The following LPP variants were observed in gnomAD, a reference collection of about 807,000 sequenced individuals.
LPP encodes the protein LIM domain containing preferred translocation partner in lipoma.
LPP carries 38 observed loss-of-function variants against 60.4 expected under a neutral mutation model. That is an observed-to-expected ratio of 0.63 (90% CI 0.49 to 0.83). The LOEUF is 0.83. LPP is among the 40% of genes least tolerant of loss of function. The probability of loss-of-function intolerance (pLI) is 0.00; values close to 1 mark genes in which losing one functional copy is unlikely to be tolerated. For synonymous variants in LPP, 328 were observed against 290.8 expected (o/e 1.13, Z -1.30); for missense variants, 902 against 783.6 (o/e 1.15, Z -1.80).
intron 8 of LPP, chr3:188,746,344 CA>C (rs1726193819): frequency 2.4e-6 from 1 of 419,802 alleles, no homozygotes; most frequent in African/African-American, 2.0e-5. Flanking sequence ...CATGTTGTAA[CA>C]GGGGGCAGAA....
intron 9 of LPP, among the ~76,000 whole-genome samples, chr3:188,761,495 C>G (rs897150698): frequency 6.6e-6 from 1 of 152,066 alleles, no homozygotes; most frequent in South Asian, 2.1e-4. Flanking sequence ...ACATGTAGAG[C>G]CATACAGTGG....
intron 3 of LPP, among the ~76,000 whole-genome samples, chr3:188,365,092 A>T (rs1770710995): frequency 6.7e-6 from 1 of 150,028 alleles, no homozygotes; most frequent in East Asian, 2.0e-4. Flanking sequence ...CCTCTCTCAG[A>T]TGAGTTTTAA....
intron 7 of LPP, among the ~76,000 whole-genome samples, chr3:188,651,025 A>T (rs1473096596): frequency 6.6e-6 from 1 of 152,208 alleles, no homozygotes; most frequent in East Asian, 1.9e-4. Flanking sequence ...ATAAATAGGG[A>T]CCCTAATCAT....
chr3:188,446,769 G>A (rs545383492), intron 4 of LPP, among the ~76,000 whole-genome samples: 1 of 152,316 alleles, frequency 6.6e-6, no homozygotes, highest in South Asian at 2.1e-4. Context: ...GGAGTGAGTT[G>A]CCCAGGGAAT....
At chr3:188,783,820 C>G (rs960849045) in intron 9 of LPP, among the ~76,000 whole-genome samples, 5 of 152,048 alleles carry the variant, frequency 3.3e-5, no homozygotes, top group African/African-American at 4.8e-5. Flanking sequence ...TCAGGGACTT[C>G]CATGTTGCCA....
intron 7 of LPP, among the ~76,000 whole-genome samples, chr3:188,692,027 TTCCTTCA>T (rs1234191820): frequency 3.3e-5 from 5 of 152,134 alleles, no homozygotes; most frequent in Non-Finnish European, 5.9e-5. Flanking sequence ...AAATCTTGGC[TTCCTTCA>T]TGATGCTTGC....
chr3:188,511,088 C>A (rs1186669775), intron 5 of LPP, among the ~76,000 whole-genome samples: 4 of 123,296 alleles, frequency 3.2e-5, no homozygotes, highest in Non-Finnish European at 6.9e-5. Context: ...CCCTCCCTGC[C>A]CCCCTCCCTC....
At chr3:188,841,003 C>T (rs1212205762) in intron 9 of LPP, among the ~76,000 whole-genome samples, 1 of 152,096 alleles carries the variant, frequency 6.6e-6, no homozygotes, top group East Asian at 1.9e-4. Flanking sequence ...CCTCCCGGGT[C>T]CCAGTGCAGG....
At chr3:188,662,728 G>C (rs1016035508) in intron 7 of LPP, among the ~76,000 whole-genome samples, 2 of 152,180 alleles carry the variant, frequency 1.3e-5, no homozygotes, top group Non-Finnish European at 2.9e-5. Context: ...AAGCTATTTA[G>C]AGATATGTGA....
At chr3:188,371,829 T>C (rs1362578642) in intron 3 of LPP, among the ~76,000 whole-genome samples, 6 of 150,156 alleles carry the variant, frequency 4.0e-5, no homozygotes, top group Non-Finnish European at 8.9e-5. Flanking sequence ...TAATTATTTT[T>C]GTATATTTAG....
At chr3:188,854,189 G>A (rs959839012) in intron 9 of LPP, among the ~76,000 whole-genome samples, 2 of 152,206 alleles carry the variant, frequency 1.3e-5, no homozygotes, top group African/African-American at 4.8e-5. Flanking sequence ...TCTTTAAGCA[G>A]TTATAGAATG....
intron 6 of LPP, among the ~76,000 whole-genome samples, chr3:188,575,097 T>C (rs1210173879): frequency 4.6e-5 from 7 of 152,054 alleles, no homozygotes; most frequent in Non-Finnish European, 7.4e-5. Flanking sequence ...CTCTCCTCAA[T>C]TAAGACTTTC....
intron 1 of LPP, among the ~76,000 whole-genome samples, chr3:188,154,598 G>A (rs962018498): frequency 6.6e-6 from 1 of 152,228 alleles, no homozygotes; most frequent in African/African-American, 2.4e-5. Context: ...AAAGGGCCTA[G>A]ACCCAGTCCT....
intron 9 of LPP, among the ~76,000 whole-genome samples, chr3:188,854,455 C>T (rs1472021086): frequency 2.0e-5 from 3 of 149,644 alleles, no homozygotes; most frequent in Non-Finnish European, 4.5e-5. Flanking sequence ...CGGAAGGGAA[C>T]CGCACAGTCA....
At chr3:188,675,399 G>A (rs944949102) in intron 7 of LPP, among the ~76,000 whole-genome samples, 14 of 152,148 alleles carry the variant, frequency 9.2e-5, no homozygotes, top group African/African-American at 2.7e-4. Context: ...AACAAACCAC[G>A]CATACACACA....
intron 6 of LPP, among the ~76,000 whole-genome samples, chr3:188,577,065 T>G (rs1834789004): frequency 6.6e-6 from 1 of 152,108 alleles, no homozygotes; most frequent in Non-Finnish European, 1.5e-5. Flanking sequence ...AAGAAGCATT[T>G]TGGAAGTGGC....
intron 5 of LPP, among the ~76,000 whole-genome samples, chr3:188,512,992 C>T (rs1260966527): frequency 6.6e-6 from 1 of 152,086 alleles, no homozygotes; most frequent in East Asian, 1.9e-4. Context: ...ATCTCCAGCC[C>T]CCTCACCACA....
intron 3 of LPP, among the ~76,000 whole-genome samples, chr3:188,399,291 C>G (rs6790260): frequency 0.39 from 59,162 of 151,736 alleles, 12,744 homozygotes; most frequent in Middle Eastern, 0.64. Flanking sequence ...CATTATACCA[C>G]TTTAGTGGAT....
At chr3:188,616,153 G>A (rs931763971) in intron 7 of LPP, among the ~76,000 whole-genome samples, 1 of 152,126 alleles carries the variant, frequency 6.6e-6, no homozygotes, top group Non-Finnish European at 1.5e-5. Context: ...TGAAGCCGTT[G>A]CCCATGCCTG....
Sources: allele counts gnomAD v4.1 joint callset (sites outside exome capture counted in the v4.1 genomes callset), GRCh38; gene constraint gnomAD v4.1.1; transcripts MANE v1.5; gene names NCBI Gene and HGNC (gene_info 2026-07-23, HGNC 2026-07-21).